The following CPLANE1 variants were observed in gnomAD, a reference collection of about 807,000 sequenced individuals.
CPLANE1 encodes the protein ciliogenesis and planar polarity effector 1.
A neutral mutation model predicts 362.5 loss-of-function variants in CPLANE1; 263 were observed. The ratio of observed to expected loss-of-function variants is 0.73; its 90% CI spans 0.66 to 0.80. CPLANE1 has a LOEUF of 0.80. Among genes scored for constraint, CPLANE1 ranks in the 30% least tolerant of loss-of-function variants. The probability of loss-of-function intolerance (pLI) is 0.00; values close to 1 mark genes in which losing one functional copy is unlikely to be tolerated. For synonymous variants in CPLANE1, 1,212 were observed against 1,302.6 expected, an observed-to-expected ratio of 0.93 and a Z score of 1.50; for missense variants, 3,461 against 3,793.4, an observed-to-expected ratio of 0.91 and a Z score of 2.30.
intron 8 of CPLANE1, among the ~76,000 whole-genome samples, chr5:37,232,442 G>A (rs917166397): frequency 2.3e-4 from 34 of 149,788 alleles, no homozygotes; most frequent in Middle Eastern, 3.6e-3. Flanking sequence ...GCTTGAACCC[G>A]AGAAGCAGAG....
At chr5:37,201,944 C>T in intron 18 of CPLANE1, 136 bp from the exon 19 acceptor site, 1 of 615,568 alleles carries the variant, frequency 1.6e-6, no homozygotes, top group Non-Finnish European at 2.8e-6. Context: ...AACATCCAAA[C>T]TTACAGACAG....
At chr5:37,085,869 C>T in the CPLANE1 span, 28 of 1,004,970 alleles carry the variant, frequency 2.8e-5, no homozygotes, top group African/African-American at 2.1e-4. Context: ...CCCTGGGTGA[C>T]GTGTTAAATC....
intron 20 of CPLANE1, among the ~76,000 whole-genome samples, chr5:37,198,309 C>T (rs1367215472): frequency 3.3e-5 from 5 of 152,054 alleles, no homozygotes; most frequent in East Asian, 1.9e-4. Flanking sequence ...TGGAAACAGA[C>T]GAGAATGAAC....
At position 37,221,461 on chromosome 5, in the gene CPLANE1, A is replaced by G; in HGVS notation, c.2609T>C (p.Ile870Thr). The change falls in exon 15 of 53, where the codon ATA (isoleucine) becomes ACA (threonine). Residue 870 changes from isoleucine to threonine, a missense_variant. By Grantham distance (89) the Ile-to-Thr change is moderately conservative (BLOSUM62 -1). Around this residue, in one of 2 missense-constraint regions of CPLANE1, gnomAD observed 3,380 missense variants for 3,666.1 expected, o/e 0.92. Transcript: ENST00000651892. ...KGGRRTYFLQ[I>T]RYYLSLLYCH... The stretch of plus-strand genomic sequence containing the variant: ...GTATAAGAGAGAAAGATAATAGCGT[A>G]TCTGAAGAAAATACGTCCTTCTTCC... The G allele has an allele frequency of 6.6e-7, 1 of 1,506,020 alleles. No homozygotes were observed. The highest frequency in any genetic ancestry group is 8.8e-7 in the Non-Finnish European group (1 of 1,132,286). 93.3% of individuals were successfully genotyped at this position (1,506,020 alleles called of 1,614,324 possible).
the CPLANE1 span, among the ~76,000 whole-genome samples, chr5:37,079,198 G>T: frequency 6.6e-6 from 1 of 152,082 alleles, no homozygotes; most frequent in Admixed American, 6.6e-5. Context: ...TTACATTTAA[G>T]TCTTTAATCC....
chr5:37,226,189 T>C (rs1219425651), intron 12 of CPLANE1, 115 bp downstream of exon 12: 1 of 696,124 alleles, frequency 1.4e-6, no homozygotes, highest in East Asian at 2.9e-5. Flanking sequence ...TAACAAACAC[T>C]GAATAGTACA....
chr5:37,199,464 C>T (rs1194195834), intron 19 of CPLANE1, among the ~76,000 whole-genome samples: 1 of 152,158 alleles, frequency 6.6e-6, no homozygotes, highest in Non-Finnish European at 1.5e-5. Flanking sequence ...TTTGTTCACA[C>T]TTCTACTGTA....
rs147551903 is a variant in CPLANE1, at chr5:37,187,775, G to A, written c.3879C>T (p.Cys1293=). Residue 1293 remains cysteine (C), a synonymous_variant, in exon 22 of 53, where the codon TGC becomes TGT. Coordinates refer to ENST00000651892, the MANE Select transcript of CPLANE1 (RefSeq NM_001384732.1). ...LHVRDKLSYS[C]RQYQKARENV... is the part of the protein sequence containing the mutation. ...TTTCTCTTGCTTTCTGATATTGCCT[G>A]CAACTATAGGATAACTTATCACGGA... The A allele has an allele frequency of 8.1e-6, 13 of 1,613,644 alleles. No homozygotes were observed. The highest frequency in any genetic ancestry group is 1.0e-5 in the Non-Finnish European group (12 of 1,179,872).
intron 25 of CPLANE1, among the ~76,000 whole-genome samples, chr5:37,184,175 C>G (rs1211741749): frequency 6.6e-6 from 1 of 152,148 alleles, no homozygotes; most frequent in Non-Finnish European, 1.5e-5. Context: ...TTTTACCACA[C>G]AAAAACTGGG....
At chr5:37,154,049 T>G (rs529288903) in intron 41 of CPLANE1, 56 bp from the exon 42 acceptor site, 10 of 1,453,330 alleles carry the variant, frequency 6.9e-6, no homozygotes, top group Non-Finnish European at 8.4e-6. Context: ...AGAGGTATTA[T>G]TGATGATCTC....
At chr5:37,169,926 G>A (rs945658458) in intron 33 of CPLANE1, 115 bp downstream of exon 33, 16 of 997,688 alleles carry the variant, frequency 1.6e-5, no homozygotes, top group Admixed American at 1.1e-4. Context: ...GGGGTTTCAC[G>A]ATGTTGGCCA....
At chr5:37,210,760 T>G (rs1792362896) in intron 16 of CPLANE1, 22 of 1,529,688 alleles carry the variant, frequency 1.4e-5, no homozygotes, top group Non-Finnish European at 2.0e-5. Context: ...AATGAAAACT[T>G]GCGTCTCCTA....
At chr5:37,195,154 C>CAA (rs749441277) in intron 21 of CPLANE1, among the ~76,000 whole-genome samples, 5 of 72,658 alleles carry the variant, frequency 6.9e-5, no homozygotes, top group Non-Finnish European at 8.4e-5. Flanking sequence ...GACTCCATCT[C>CAA]AAAAAAAAAA....
Position 37,187,769 on chromosome 5 carries a change from T to C in CPLANE1, c.3885A>G (p.Gln1295=), listed in dbSNP as rs1204563702. The part of the protein sequence containing the change: ...VRDKLSYSCR[Q]YQKARENVKG... ...TTACATTTTCTCTTGCTTTCTGATA[T>C]TGCCTGCAACTATAGGATAACTTAT... is the stretch of plus-strand genomic sequence containing the variant. The change falls in exon 22 of 53, where the codon CAA becomes CAG. Residue 1295 remains glutamine, a synonymous_variant. Coordinates refer to ENST00000651892, the MANE Select transcript of CPLANE1 (RefSeq NM_001384732.1). 6 of 1,613,916 alleles carry C rather than the reference T, an allele frequency of 3.7e-6. No individual in the cohort carries two copies. The highest frequency in any genetic ancestry group is 1.1e-5 in the South Asian group (1 of 91,056).
In CPLANE1 at chr5:37,148,274, GA is replaced by G; in HGVS notation, c.8374-7del. On this transcript the variant is annotated splice_polypyrimidine_tract_variant and splice_region_variant and intron_variant, in intron 42 of 52. Coordinates refer to ENST00000651892, the MANE Select transcript of CPLANE1 (RefSeq NM_001384732.1). ...ATGTGATCCACTGGTCCAATCTGTA[GA>G]AAAAACACACACAACAAAACAACAG... 6.3e-7 allele frequency: 1 copy of G among 1,575,300 alleles called. No individual in the cohort carries two copies. The highest frequency in any genetic ancestry group is 8.7e-7 in the Non-Finnish European group (1 of 1,153,658).
At chr5:37,084,001 A>C in the CPLANE1 span, among the ~76,000 whole-genome samples, 1 of 152,232 alleles carries the variant, frequency 6.6e-6, no homozygotes. Context: ...ATTTAAGATG[A>C]AGGAAAGAAT....
chr5:37,148,554 G>C (rs1302631994), intron 42 of CPLANE1, among the ~76,000 whole-genome samples: 1 of 152,138 alleles, frequency 6.6e-6, no homozygotes, highest in Non-Finnish European at 1.5e-5. Flanking sequence ...TTAAAGATGA[G>C]AGAACAAAGC....
intron 50 of CPLANE1, among the ~76,000 whole-genome samples, chr5:37,118,771 TG>T (rs2150043457): frequency 6.6e-6 from 1 of 151,672 alleles, no homozygotes; most frequent in Admixed American, 6.6e-5. Flanking sequence ...TGGAGTGCAG[TG>T]GTGCGATCTC....
intron 16 of CPLANE1, chr5:37,212,287 T>C (rs1792825817): frequency 8.6e-7 from 1 of 1,160,942 alleles, no homozygotes; most frequent in Non-Finnish European, 1.3e-6. Flanking sequence ...AAAAAGATGG[T>C]CCAGGAAGGC....
Sources: allele counts gnomAD v4.1 joint callset (sites outside exome capture counted in the v4.1 genomes callset), GRCh38; gene constraint gnomAD v4.1.1; regional missense constraint gnomAD v4.1.1; transcripts MANE v1.5; gene names NCBI Gene and HGNC (gene_info 2026-07-23, HGNC 2026-07-21).